Variants in GLDC observed in about 807,000 individuals in gnomAD.
The protein encoded by GLDC is glycine dehydrogenase (decarboxylating), mitochondrial.
GLDC carries 104 observed loss-of-function variants against 121.3 expected under a neutral mutation model. The observed-to-expected ratio is 0.86, with a 90% CI of 0.73 to 1.01. The LOEUF (loss-of-function observed/expected upper bound fraction) is 1.01. GLDC is among the 50% of genes least tolerant of loss of function. The pLI is 0.00. For missense variants in GLDC, 1,429 were observed against 1,306.6 expected (o/e 1.09, Z -1.44); for synonymous variants, 546 against 480.6 (o/e 1.14, Z -1.78).
At chr9:6,539,225 C>T (rs1357795723) in intron 22 of GLDC, among the ~76,000 whole-genome samples, 1 of 152,038 alleles carries the variant, frequency 6.6e-6, no homozygotes, top group African/African-American at 2.4e-5. Flanking sequence ...CACCTGTAAT[C>T]CCAGCACTTT....
chr9:6,537,567 G>A (rs1817157231), intron 22 of GLDC, among the ~76,000 whole-genome samples: 1 of 152,234 alleles, frequency 6.6e-6, no homozygotes, highest in African/African-American at 2.4e-5. Flanking sequence ...GATTGCTTAA[G>A]CCCAGGAGTT....
Position 6,629,933 on chromosome 9 carries a change from A to ATATATATATATG in GLDC, c.335-9626_335-9615dup, listed in dbSNP as rs1439469336. On this transcript the variant is annotated intron_variant, in intron 2 of 24. Transcript: ENST00000321612. ...GGGAGGGAGGCTTGCTTTTCACTATATATATATATATGTATATATATATAT... is the reference window on the plus strand; with the variant it reads ...GGGAGGGAGGCTTGCTTTTCACTATATATATATATATGTATATATATATGTATATATATATAT... Among the ~76,000 whole-genome samples, 4 of 88,688 alleles carry ATATATATATATG rather than the reference A, an allele frequency of 4.5e-5. 1 individual carries two copies. The highest frequency in any genetic ancestry group is 7.8e-5 in the Non-Finnish European group (4 of 51,160). The allele number at this position is 88,688 out of a possible 152,430, so 58.2% of individuals were successfully genotyped here.
intron 2 of GLDC, among the ~76,000 whole-genome samples, chr9:6,631,750 GA>G (rs1337788706): frequency 6.6e-6 from 1 of 152,120 alleles, no homozygotes; most frequent in African/African-American, 2.4e-5. Context: ...TCATGCTTGA[GA>G]AAAAGATAAT....
intron 2 of GLDC, among the ~76,000 whole-genome samples, chr9:6,625,374 C>T (rs973925371): frequency 9.2e-5 from 14 of 152,146 alleles, no homozygotes; most frequent in Non-Finnish European, 1.3e-4. Flanking sequence ...CAATGGCTGA[C>T]TTTATTTGGC....
intron 9 of GLDC, 188 bp from the exon 10 acceptor site, chr9:6,593,178 T>A (rs2129854547): frequency 1.3e-5 from 8 of 610,694 alleles, no homozygotes; most frequent in Non-Finnish European, 2.3e-5. Flanking sequence ...GAAATACATA[T>A]AAAAGAGTAA....
At chr9:6,578,107 G>A (rs1021617298) in intron 15 of GLDC, among the ~76,000 whole-genome samples, 1 of 151,660 alleles carries the variant, frequency 6.6e-6, no homozygotes, top group African/African-American at 2.4e-5. Flanking sequence ...TAGAGACTAA[G>A]TCTCACTATC....
chr9:6,613,759 TATG>T lies in GLDC; in HGVS notation c.471-3406_471-3404del, dbSNP rs530930584. On this transcript the variant is annotated intron_variant, in intron 3 of 24. Transcript: ENST00000321612. ...CTTAGAAGTAGAATTCCAAATTATA[TATG>T]ATAACTAGTTTTTTGGGGTTTTTAT... is the stretch of plus-strand genomic sequence containing the variant. 3.0e-3 allele frequency among the ~76,000 whole-genome samples: 451 copies of T among 152,228 alleles called. 2 individuals are homozygous for T. The highest frequency in any genetic ancestry group is 0.01 in the African/African-American group (432 of 41,552).
At chr9:6,610,725 A>G (rs921784323) in intron 3 of GLDC, among the ~76,000 whole-genome samples, 1 of 152,188 alleles carries the variant, frequency 6.6e-6, no homozygotes, top group Non-Finnish European at 1.5e-5. Context: ...TAAGTCTCCA[A>G]AGTGGCTGGG....
At chr9:6,602,906 A>G (rs572203849) in intron 7 of GLDC, among the ~76,000 whole-genome samples, 68 of 152,292 alleles carry the variant, frequency 4.5e-4, no homozygotes, top group African/African-American at 1.5e-3. Context: ...TCAAAAAAAT[A>G]AAAAATAATA....
intron 21 of GLDC, among the ~76,000 whole-genome samples, chr9:6,547,851 C>G (rs192401362): frequency 6.6e-6 from 1 of 152,206 alleles, no homozygotes; most frequent in Non-Finnish European, 1.5e-5. Flanking sequence ...ATTTGTAGGC[C>G]AGGTGCAGTG....
intron 19 of GLDC, among the ~76,000 whole-genome samples, chr9:6,554,199 A>G (rs1238828272): frequency 1.3e-5 from 2 of 152,162 alleles, no homozygotes; most frequent in African/African-American, 4.8e-5. Flanking sequence ...GCTTCATCCA[A>G]TTATTTCTAG....
At chr9:6,589,923 C>G (rs1052540495) in intron 11 of GLDC, among the ~76,000 whole-genome samples, 1 of 151,840 alleles carries the variant, frequency 6.6e-6, no homozygotes, top group Non-Finnish European at 1.5e-5. Flanking sequence ...GTCGTGTTGG[C>G]GGGTGCCTGT....
At chr9:6,585,696 C>A (rs1369477975) in intron 15 of GLDC, among the ~76,000 whole-genome samples, 1 of 152,190 alleles carries the variant, frequency 6.6e-6, no homozygotes, top group Non-Finnish European at 1.5e-5. Context: ...AACTCTGAGG[C>A]TGCTGGTAGA....
intron 21 of GLDC, among the ~76,000 whole-genome samples, chr9:6,542,898 A>G (rs1266539485): frequency 6.6e-6 from 1 of 151,602 alleles, no homozygotes; most frequent in Non-Finnish European, 1.5e-5. Flanking sequence ...AAAAAAAAAA[A>G]AAAAAAAAAA....
intron 21 of GLDC, among the ~76,000 whole-genome samples, chr9:6,543,749 G>T (rs1280118140): frequency 6.6e-6 from 1 of 152,138 alleles, no homozygotes; most frequent in African/African-American, 2.4e-5. Flanking sequence ...ACCTGCTATA[G>T]GGCAATGTTG....
At position 6,595,133 on chromosome 9, in the gene GLDC, A is replaced by G. The variant is rs1243954142; in HGVS notation, c.1156-14T>C. On this transcript the variant is annotated splice_polypyrimidine_tract_variant and intron_variant, in intron 8 of 24. Transcript: ENST00000321612. Reference sequence around the variant, plus strand: ...CGCCAAGAGGGCCTAAAAGATAAGAACATTTAAAGAATCACGTGATGGAGG... The same window carrying G: ...CGCCAAGAGGGCCTAAAAGATAAGAGCATTTAAAGAATCACGTGATGGAGG... 6.5e-7 allele frequency: 1 copy of G among 1,538,376 alleles called. No homozygotes were observed. Among genetic ancestry groups the G allele is most frequent in the Non-Finnish European group, 9.0e-7 (1 of 1,110,964 alleles).
intron 2 of GLDC, chr9:6,623,168 T>C (rs1243230855): frequency 5.7e-6 from 1 of 175,240 alleles, no homozygotes; most frequent in Non-Finnish European, 1.1e-5. Context: ...TTTTGTGGAA[T>C]AGAAAAGGGG....
chr9:6,614,607 T>C (rs1338842694), intron 3 of GLDC, among the ~76,000 whole-genome samples: 2 of 151,692 alleles, frequency 1.3e-5, no homozygotes, highest in Non-Finnish European at 2.9e-5. Flanking sequence ...CAGGCTGGTC[T>C]CAAATTCCTG....
chr9:6,615,657 C>T (rs532615773), intron 3 of GLDC, among the ~76,000 whole-genome samples: 7 of 152,206 alleles, frequency 4.6e-5, no homozygotes, highest in Non-Finnish European at 7.4e-5. Flanking sequence ...GTCACCCAGG[C>T]TGGAGTGCAG....
Sources: allele counts gnomAD v4.1 joint callset (sites outside exome capture counted in the v4.1 genomes callset), GRCh38; gene constraint gnomAD v4.1.1; transcripts MANE v1.5; gene names NCBI Gene and HGNC (gene_info 2026-07-23, HGNC 2026-07-21).